ZBTB16: variants seen among roughly 807,000 people sequenced by gnomAD.
ZBTB16 encodes zinc finger and BTB domain-containing protein 16.
A neutral mutation model predicts 56.8 loss-of-function variants in ZBTB16; 8 were observed. The ratio of observed to expected loss-of-function variants is 0.14; its 90% CI spans 0.08 to 0.25. ZBTB16 has a LOEUF of 0.25. ZBTB16 is among the 10% of genes least tolerant of loss of function. The pLI is 1.00. For missense variants in ZBTB16, 625 were observed against 903.0 expected, an observed-to-expected ratio of 0.69 and a Z score of 3.95; for synonymous variants, 363 against 368.5, an observed-to-expected ratio of 0.98 and a Z score of 0.17.
intron 3 of ZBTB16, among the ~76,000 whole-genome samples, chr11:114,162,325 G>T (rs570776376): frequency 6.6e-6 from 1 of 152,366 alleles, no homozygotes; most frequent in East Asian, 1.9e-4. Flanking sequence ...GCACTGAGCT[G>T]TGGGTTTCAG....
intron 2 of ZBTB16, among the ~76,000 whole-genome samples, chr11:114,132,546 C>T (rs942084408): frequency 6.6e-6 from 1 of 152,190 alleles, no homozygotes; most frequent in Non-Finnish European, 1.5e-5. Context: ...GTTGCTTACC[C>T]TCCCTGAGCC....
At chr11:114,115,816 CAG>C (rs1415250073) in intron 2 of ZBTB16, among the ~76,000 whole-genome samples, 1 of 152,164 alleles carries the variant, frequency 6.6e-6, no homozygotes, top group African/African-American at 2.4e-5. Context: ...GGGAGAAGGA[CAG>C]AGAGGCAGGC....
At chr11:114,215,502 A>G (rs543030385) in intron 4 of ZBTB16, among the ~76,000 whole-genome samples, 4 of 152,334 alleles carry the variant, frequency 2.6e-5, no homozygotes, top group African/African-American at 9.6e-5. Flanking sequence ...GGTGCAGCAT[A>G]TTGCTTCTAC....
Position 114,250,431 on chromosome 11 carries a change from C to A in ZBTB16, c.1898C>A (p.Thr633Asn). The A allele has an allele frequency of 6.2e-7, 1 of 1,614,108 alleles. No homozygotes were observed. The highest frequency in any genetic ancestry group is 8.5e-7 in the Non-Finnish European group (1 of 1,180,030). Reference sequence around the variant, plus strand: ...AACGGCGCCTCGCCCTACCAGTGCACCATCTGCACAGAGTACTGCCCCAGC... The same window carrying A: ...AACGGCGCCTCGCCCTACCAGTGCAACATCTGCACAGAGTACTGCCCCAGC... ...THNGASPYQC[T>N]ICTEYCPSLS... Residue 633 changes from threonine to asparagine, a missense_variant, in exon 7 of 7, where the codon ACC becomes AAC. Around this residue, in one of 6 missense-constraint regions of ZBTB16, gnomAD observed 40 missense variants for 93.2 expected, o/e 0.43. Transcript: ENST00000335953. The surrounding 1 kb of genome is among the most constrained non-coding windows in gnomAD (Gnocchi z 6.0).
At chr11:114,150,821 G>A (rs1942260852) in intron 2 of ZBTB16, among the ~76,000 whole-genome samples, 1 of 152,222 alleles carries the variant, frequency 6.6e-6, no homozygotes, top group African/African-American at 2.4e-5. Flanking sequence ...GAGCTTAAGA[G>A]TCGGTTGCTT....
At position 114,186,945 on chromosome 11, in the gene ZBTB16, C is replaced by G; in HGVS notation, c.1367-7C>G. The G allele has an allele frequency of 6.2e-7, 1 of 1,614,022 alleles. No individual in the cohort carries two copies. The highest frequency in any genetic ancestry group is 8.5e-7 in the Non-Finnish European group (1 of 1,180,018). Reference sequence around the variant, plus strand: ...CTCTAGTGGTAACTGCCTCTCCTTTCTTTCAGCGGGTGCCAAAGCCTTTGT... The same window carrying G: ...CTCTAGTGGTAACTGCCTCTCCTTTGTTTCAGCGGGTGCCAAAGCCTTTGT... On this transcript the variant is annotated splice_region_variant and splice_polypyrimidine_tract_variant and intron_variant, in intron 3 of 6. Transcript: ENST00000335953.
rs1391457659 is a variant in ZBTB16, at chr11:114,255,280, A to G, written c.*4725A>G. Among the ~76,000 whole-genome samples the G allele has an allele frequency of 6.6e-6, 1 of 152,108 alleles. No homozygotes were observed. Among genetic ancestry groups the G allele is most frequent in the Non-Finnish European group, 1.5e-5 (1 of 68,014 alleles). On this transcript the variant is annotated 3_prime_UTR_variant, in exon 7 of 7. Coordinates refer to ENST00000335953, the MANE Select transcript of ZBTB16 (RefSeq NM_006006.6). ...AGTGCCAGTCGGATTGCTCTGTATT[A>G]CAGAATAGTGTTTTTAATTCATCAA... is the stretch of plus-strand genomic sequence containing the variant.
intron 2 of ZBTB16, among the ~76,000 whole-genome samples, chr11:114,066,060 C>T (rs751744506): frequency 5.3e-5 from 8 of 152,096 alleles, no homozygotes; most frequent in East Asian, 1.9e-4. Flanking sequence ...TTGTCATTGA[C>T]GACAGCATTT....
chr11:114,081,274 C>G (rs564735425), intron 2 of ZBTB16, among the ~76,000 whole-genome samples: 1 of 152,266 alleles, frequency 6.6e-6, no homozygotes, highest in East Asian at 1.9e-4. Flanking sequence ...TGCTGCTGAG[C>G]CTGAGCAGAC....
chr11:114,066,225 C>G (rs2137660138), intron 2 of ZBTB16, among the ~76,000 whole-genome samples: 1 of 152,318 alleles, frequency 6.6e-6, no homozygotes, highest in East Asian at 1.9e-4. Context: ...CTCATCACCC[C>G]TAGCCGGAAT....
At chr11:114,068,343 C>T (rs1170495814) in intron 2 of ZBTB16, among the ~76,000 whole-genome samples, 1 of 152,088 alleles carries the variant, frequency 6.6e-6, no homozygotes, top group East Asian at 1.9e-4. Context: ...GTAAGTTTCC[C>T]CATGATTTGA....
intron 2 of ZBTB16, among the ~76,000 whole-genome samples, chr11:114,105,319 C>T (rs148987393): frequency 0.018 from 2,810 of 151,966 alleles, 71 homozygotes; most frequent in African/African-American, 0.063. Flanking sequence ...CGGCTCACTG[C>T]AACTTCCACC....
chr11:114,082,236 C>T (rs949081636), intron 2 of ZBTB16, among the ~76,000 whole-genome samples: 11 of 152,008 alleles, frequency 7.2e-5, no homozygotes, highest in African/African-American at 2.2e-4. Context: ...GCTATGATCA[C>T]GCCACTGCAC....
chr11:114,216,747 A>C (rs536851457), intron 4 of ZBTB16, among the ~76,000 whole-genome samples: 1 of 152,318 alleles, frequency 6.6e-6, no homozygotes, highest in South Asian at 2.1e-4. Flanking sequence ...CCTATTCCCT[A>C]TCATTTTCAG....
intron 3 of ZBTB16, among the ~76,000 whole-genome samples, chr11:114,158,680 T>G (rs1942492019): frequency 6.6e-6 from 1 of 152,220 alleles, no homozygotes; most frequent in Non-Finnish European, 1.5e-5. Context: ...CCATAAGCTC[T>G]TACAGCCTCA....
chr11:114,210,198 C>CGCGCGT (rs1555156008), intron 4 of ZBTB16, among the ~76,000 whole-genome samples: 16 of 126,306 alleles, frequency 1.3e-4, no homozygotes, highest in African/African-American at 4.8e-4. Flanking sequence ...TGTGTGCGTG[C>CGCGCGT]GCGCGCGTGC....
In ZBTB16 at chr11:114,063,120, G is replaced by T; in HGVS notation, c.-90-91G>T. 1 of 671,398 alleles carries T rather than the reference G, an allele frequency of 1.5e-6. No homozygotes were observed. The highest frequency in any genetic ancestry group is 2.6e-6 in the Non-Finnish European group (1 of 389,348). 41.6% of individuals were successfully genotyped at this position (671,398 alleles called of 1,614,324 possible). ...GGCAACAGGGAGGAGGGGGCATGTT[G>T]TAGTGGTTGAATTCTTACTTTTAGG... On this transcript the variant is annotated intron_variant, in intron 1 of 6. Transcript: ENST00000335953. The surrounding 1 kb of genome is among the most constrained non-coding windows in gnomAD (Gnocchi z 6.5).
In ZBTB16 at chr11:114,247,012, T is replaced by C. The variant is rs951677011; in HGVS notation, c.1625-186T>C. 2.1e-5 allele frequency: 15 copies of C among 704,178 alleles called. No homozygotes were observed. In the African/African-American group the frequency reaches 2.5e-4, roughly 12 times the overall value. 43.6% of individuals were successfully genotyped at this position (704,178 alleles called of 1,614,324 possible). A position where few individuals can be genotyped will look rare whatever the true frequency, so the allele number is the denominator to read the frequency against. On this transcript the variant is annotated intron_variant, in intron 5 of 6. Transcript: ENST00000335953. ...ATGATCATGGGGCCACAGTAAAGTATGGTCATGTGTGAAGACAGGTATTGC... is the reference window on the plus strand; with the variant it reads ...ATGATCATGGGGCCACAGTAAAGTACGGTCATGTGTGAAGACAGGTATTGC...
chr11:114,080,725 A>G (rs536384222), intron 2 of ZBTB16, among the ~76,000 whole-genome samples: 12 of 152,210 alleles, frequency 7.9e-5, no homozygotes, highest in East Asian at 1.9e-4. Flanking sequence ...TCTCCCTTCT[A>G]TTTACTTCAG....
Sources: allele counts gnomAD v4.1 joint callset (sites outside exome capture counted in the v4.1 genomes callset), GRCh38; gene constraint gnomAD v4.1.1; regional missense constraint gnomAD v4.1.1; non-coding constraint Gnocchi (gnomAD v3.1); transcripts MANE v1.5; gene names NCBI Gene and HGNC (gene_info 2026-07-23, HGNC 2026-07-21).